The following NRAP variants were observed in gnomAD, a reference collection of about 807,000 sequenced individuals.
The protein encoded by NRAP is nebulin-related-anchoring protein.
Under a neutral mutation model 225.9 loss-of-function variants are expected in NRAP, and 189 were observed. The observed-to-expected ratio is 0.84, with a 90% CI of 0.74 to 0.94. The LOEUF (loss-of-function observed/expected upper bound fraction) is 0.94, where lower values mean the gene tolerates loss of function less well. Ranked by LOEUF, NRAP falls within the 40% of genes least tolerant of loss-of-function variation. NRAP has a pLI of 0.00. For synonymous variants in NRAP, 769 were observed against 790.7 expected (o/e 0.97, Z 0.46); for missense variants, 2,176 against 2,168.7 (o/e 1.00, Z -0.07).
At chr10:113,655,467 T>C (rs1187556820) in intron 4 of NRAP, among the ~76,000 whole-genome samples, 2 of 151,814 alleles carry the variant, frequency 1.3e-5, no homozygotes, top group South Asian at 2.1e-4. Context: ...TTTTTTTTTT[T>C]TCCCTTGAGA....
chr10:113,621,513 A>G (rs1269137812), intron 24 of NRAP, among the ~76,000 whole-genome samples: 2 of 152,140 alleles, frequency 1.3e-5, no homozygotes, highest in Non-Finnish European at 2.9e-5. Flanking sequence ...GGGGACTATC[A>G]AAGTCGGGGT....
At chr10:113,594,599 G>A (rs2133837363) in intron 38 of NRAP, among the ~76,000 whole-genome samples, 1 of 152,354 alleles carries the variant, frequency 6.6e-6, no homozygotes, top group Non-Finnish European at 1.5e-5. Context: ...TGCTTCCCCA[G>A]ATGGAGGTCA....
intron 35 of NRAP, among the ~76,000 whole-genome samples, chr10:113,600,234 G>T (rs1396134330): frequency 6.6e-6 from 1 of 150,972 alleles, no homozygotes; most frequent in Non-Finnish European, 1.5e-5. Flanking sequence ...GCAGTGGTGT[G>T]ATCATGGTTC....
At chr10:113,630,176 T>C (rs530766001) in intron 18 of NRAP, among the ~76,000 whole-genome samples, 2 of 152,368 alleles carry the variant, frequency 1.3e-5, no homozygotes, top group South Asian at 4.1e-4. Flanking sequence ...GAAAGTTATG[T>C]CACCTCTCTA....
rs995027895 is a variant in NRAP at position 113,598,791 on chromosome 10, A to G, written c.4228-718T>C. On this transcript the variant is annotated intron_variant, in intron 35 of 41. Coordinates refer to ENST00000359988, the MANE Select transcript of NRAP (RefSeq NM_198060.4). ...TTACCACCTCCTCCCACTGTTACTC[A>G]TTATGATTTGTTTATATTCCAAAAA... Among the ~76,000 whole-genome samples, 16 of 152,318 alleles carry G rather than the reference A, an allele frequency of 1.1e-4. No individual in the cohort carries two copies. The East Asian group carries it at 2.9e-3, about 28-fold the overall frequency.
chr10:113,648,720 T>C (rs1849752689), intron 9 of NRAP, among the ~76,000 whole-genome samples: 1 of 152,124 alleles, frequency 6.6e-6, no homozygotes, highest in Non-Finnish European at 1.5e-5. Flanking sequence ...GACTGAGTCC[T>C]CTCAACAGCT....
chr10:113,617,241 GT>G (rs368217621), intron 26 of NRAP, among the ~76,000 whole-genome samples: 160 of 152,230 alleles, frequency 1.1e-3, no homozygotes, highest in African/African-American at 3.6e-3. Context: ...CAGTGGGGTG[GT>G]GGAGCCCCAC....
At chr10:113,642,179 A>G (rs545846480) in intron 12 of NRAP, among the ~76,000 whole-genome samples, 1 of 152,300 alleles carries the variant, frequency 6.6e-6, no homozygotes, top group Non-Finnish European at 1.5e-5. Context: ...AATCTTCACA[A>G]GTACTCTATG....
chr10:113,595,466 T>C (rs149793736), intron 38 of NRAP, among the ~76,000 whole-genome samples, 157 bp downstream of exon 38: 29 of 152,288 alleles, frequency 1.9e-4, no homozygotes, highest in African/African-American at 6.7e-4. Flanking sequence ...CTGAGGAAAG[T>C]GACTGAAAGT....
chr10:113,637,447 T>A (rs574031670), intron 14 of NRAP, among the ~76,000 whole-genome samples: 1 of 152,356 alleles, frequency 6.6e-6, no homozygotes, highest in African/African-American at 2.4e-5. Context: ...CTTAGAGCGA[T>A]TATTTGTTAT....
chr10:113,623,631 C>G lies in NRAP; in HGVS notation c.2355G>C (p.Leu785=), dbSNP rs780756076. ...TCTGGTTTTCCCAGCTGCTCTTATA[C>G]AGTTTCTAAGGGGATTTAGGAGAGA... ...RANAANLSEK[L]YKSSWENQKA... Residue 785 remains leucine, a synonymous_variant, in exon 23 of 42, where the codon CTG becomes CTC. Transcript: ENST00000359988. 5.6e-6 allele frequency: 9 copies of G among 1,611,988 alleles called. No homozygotes were observed. Among genetic ancestry groups the G allele is most frequent in the Non-Finnish European group, 6.8e-6 (8 of 1,178,138 alleles).
intron 4 of NRAP, among the ~76,000 whole-genome samples, chr10:113,654,790 G>A (rs757762657): frequency 5.3e-4 from 80 of 152,304 alleles, no homozygotes; most frequent in Non-Finnish European, 4.0e-4. Flanking sequence ...TAGAAGGTCC[G>A]TTCCATGAAG....
At chr10:113,590,365 G>A (rs1021467720) in intron 40 of NRAP, among the ~76,000 whole-genome samples, 1 of 152,194 alleles carries the variant, frequency 6.6e-6, no homozygotes, top group African/African-American at 2.4e-5. Flanking sequence ...CAGGAGGCTT[G>A]GAAAGCATTT....
intron 22 of NRAP, among the ~76,000 whole-genome samples, chr10:113,623,985 C>A (rs920587210): frequency 6.6e-6 from 1 of 152,134 alleles, no homozygotes; most frequent in Non-Finnish European, 1.5e-5. Flanking sequence ...GTCCACGCAC[C>A]CCACCCTGCC....
chr10:113,604,549 C>T (rs556841559), intron 35 of NRAP, 60 bp downstream of exon 35: 40 of 1,485,002 alleles, frequency 2.7e-5, no homozygotes, highest in South Asian at 1.7e-4. Flanking sequence ...GATTGACACC[C>T]GGGTTTGGTG....
At chr10:113,594,579 G>A (rs1426135598) in intron 38 of NRAP, among the ~76,000 whole-genome samples, 1 of 152,216 alleles carries the variant, frequency 6.6e-6, no homozygotes, top group Non-Finnish European at 1.5e-5. Flanking sequence ...CTCTGCTGAG[G>A]GGGAGGTCCT....
intron 20 of NRAP, among the ~76,000 whole-genome samples, chr10:113,628,338 C>G (rs1377600357): frequency 6.6e-6 from 1 of 152,128 alleles, no homozygotes; most frequent in African/African-American, 2.4e-5. Flanking sequence ...CAGGCACGTG[C>G]CACCACACCT....
At chr10:113,635,150 A>T (rs1848796747) in intron 14 of NRAP, among the ~76,000 whole-genome samples, 2 of 152,216 alleles carry the variant, frequency 1.3e-5, no homozygotes, top group African/African-American at 4.8e-5. Context: ...AATATTAAGA[A>T]TTATTAGCCA....
intron 14 of NRAP, among the ~76,000 whole-genome samples, chr10:113,634,932 T>C (rs1848781836): frequency 6.6e-6 from 1 of 152,146 alleles, no homozygotes; most frequent in Non-Finnish European, 1.5e-5. Flanking sequence ...CCCCACCCCG[T>C]ACACCAGCCC....
Sources: gnomAD v4.1 joint callset for allele counts (sites outside exome capture counted in the v4.1 genomes callset) on GRCh38, gnomAD v4.1.1 for gene constraint, MANE v1.5 for transcripts, NCBI Gene and HGNC (gene_info 2026-07-23, HGNC 2026-07-21) for gene names.